POC1A: variants seen among roughly 807,000 people sequenced by gnomAD.
POC1A encodes the protein POC1 centriolar protein A, also known as POC1 centriolar protein homolog A.
Under a neutral mutation model 47.8 loss-of-function variants are expected in POC1A, and 34 were observed. The observed-to-expected ratio is 0.71, with a 90% confidence interval of 0.54 to 0.95. POC1A has a LOEUF of 0.95. Ranked by LOEUF, POC1A falls within the 40% of genes least tolerant of loss-of-function variation. The pLI is 0.00. For missense variants in POC1A, 466 were observed against 528.3 expected (o/e 0.88, Z 1.16); for synonymous variants, 177 against 207.6 (o/e 0.85, Z 1.27).
rs1357759878 is a variant in POC1A at position 52,084,291 on chromosome 3, C to T, written c.1126-8306G>A. On this transcript the variant is annotated intron_variant, in intron 10 of 10. Coordinates refer to ENST00000296484, the MANE Select transcript of POC1A (RefSeq NM_015426.5). The surrounding 1 kb of genome is among the most constrained non-coding windows in gnomAD (Gnocchi z 4.3). ...CCTCCTCCCATGACCATTGTTGTCA[C>T]CACCTTTGCTGAAGGCTTCCCTCAT... Among the ~76,000 whole-genome samples the T allele has an allele frequency of 1.3e-5, 2 of 152,236 alleles. No homozygotes were observed. Among genetic ancestry groups the T allele is most frequent in the African/African-American group, 2.4e-5 (1 of 41,446 alleles).
rs1702618904 is a variant in POC1A, at chr3:52,090,789, C to T, written c.1125+5780G>A. ...CACCTACTGAGCGCCCATCCCTGGGCAGGCAGGCCTAGCAGCCTCGGGGTC... is the reference window on the plus strand; with the variant it reads ...CACCTACTGAGCGCCCATCCCTGGGTAGGCAGGCCTAGCAGCCTCGGGGTC... On this transcript the variant is annotated intron_variant, in intron 10 of 10. Coordinates refer to ENST00000296484, the MANE Select transcript of POC1A (RefSeq NM_015426.5). This position sits in a 1 kb window ranked among gnomAD's most constrained non-coding sequence, Gnocchi z 4.2. 1.3e-5 allele frequency among the ~76,000 whole-genome samples: 2 copies of T among 152,176 alleles called. No individual in the cohort carries two copies. Among genetic ancestry groups the T allele is most frequent in the African/African-American group, 4.8e-5 (2 of 41,432 alleles).
intron 7 of POC1A, among the ~76,000 whole-genome samples, chr3:52,135,935 C>G (rs1186853576): frequency 6.6e-6 from 1 of 152,122 alleles, no homozygotes; most frequent in African/African-American, 2.4e-5. Flanking sequence ...TTGCCACCAC[C>G]AGTTGGAGTG....
At chr3:52,138,920 G>A (rs974164415) in intron 6 of POC1A, among the ~76,000 whole-genome samples, 1 of 152,126 alleles carries the variant, frequency 6.6e-6, no homozygotes. Context: ...TGCAGCCTCC[G>A]TCTCCTGGGT....
chr3:52,151,164 C>T, intron 1 of POC1A, 64 bp from the exon 2 acceptor site: 1 of 1,607,446 alleles, frequency 6.2e-7, no homozygotes, highest in Non-Finnish European at 8.5e-7. Flanking sequence ...CCAGGGCCAG[C>T]ACTCTTCCTA....
At chr3:52,153,856 C>G (rs1167611447) in intron 1 of POC1A, among the ~76,000 whole-genome samples, 3 of 152,252 alleles carry the variant, frequency 2.0e-5, no homozygotes, top group African/African-American at 4.8e-5. Context: ...AGGGCCTTGC[C>G]CGTTCAAAGG....
intron 9 of POC1A, among the ~76,000 whole-genome samples, chr3:52,112,248 G>A (rs1440404169): frequency 6.6e-6 from 1 of 152,114 alleles, no homozygotes; most frequent in African/African-American, 2.4e-5. Flanking sequence ...TGAACTCCTG[G>A]GCTCATGCAA....
chr3:52,099,712 A>C, intron 9 of POC1A, among the ~76,000 whole-genome samples: 1 of 152,148 alleles, frequency 6.6e-6, no homozygotes. Context: ...TCAGCCAGGC[A>C]TGGTGGTAGG....
chr3:52,112,503 G>A (rs1703419759), intron 9 of POC1A, among the ~76,000 whole-genome samples: 1 of 152,168 alleles, frequency 6.6e-6, no homozygotes, highest in African/African-American at 2.4e-5. Flanking sequence ...TTAGCCAGGT[G>A]TGGTGGTGCA....
At chr3:52,151,610 CAA>C (rs575884047) in intron 1 of POC1A, among the ~76,000 whole-genome samples, 12 of 55,830 alleles carry the variant, frequency 2.1e-4, no homozygotes, top group Non-Finnish European at 3.2e-4. Flanking sequence ...GACTCCGTCT[CAA>C]AAAAAAAAAA....
At chr3:52,149,775 G>A (rs1559854833) in intron 3 of POC1A, 41 bp downstream of exon 3, 2 of 1,582,292 alleles carry the variant, frequency 1.3e-6, no homozygotes, top group Admixed American at 1.7e-5. Flanking sequence ...TGGCACCAGG[G>A]CCCCAGACTC....
intron 1 of POC1A, among the ~76,000 whole-genome samples, chr3:52,151,481 G>A (rs1345661363): frequency 6.6e-6 from 1 of 152,030 alleles, no homozygotes; most frequent in African/African-American, 2.4e-5. Flanking sequence ...CATGGTGGCA[G>A]GCGCCTATAA....
intron 7 of POC1A, among the ~76,000 whole-genome samples, chr3:52,126,165 T>C (rs1703991154): frequency 6.6e-6 from 1 of 152,168 alleles, no homozygotes; most frequent in South Asian, 2.1e-4. Flanking sequence ...CCCAGACCAG[T>C]GCAGGGAGCG....
chr3:52,095,822 C>T (rs1232529892), intron 10 of POC1A, among the ~76,000 whole-genome samples: 1 of 152,230 alleles, frequency 6.6e-6, no homozygotes, highest in African/African-American at 2.4e-5. Flanking sequence ...GGTGAAATGG[C>T]CCTGCCAAGC....
chr3:52,081,839 A>G (rs1407623869), intron 10 of POC1A, among the ~76,000 whole-genome samples: 1 of 152,134 alleles, frequency 6.6e-6, no homozygotes, highest in East Asian at 1.9e-4. Flanking sequence ...AGGGGATGAC[A>G]GTGGCTTGGA....
chr3:52,125,019 A>C (rs963069818), intron 8 of POC1A, 94 bp downstream of exon 8: 2 of 996,562 alleles, frequency 2.0e-6, no homozygotes, highest in African/African-American at 3.3e-5. Flanking sequence ...AGCTGGCGAA[A>C]CCCAGCCCAT....
At chr3:52,122,146 G>C (rs1057168916) in intron 9 of POC1A, among the ~76,000 whole-genome samples, 1 of 152,186 alleles carries the variant, frequency 6.6e-6, no homozygotes, top group South Asian at 2.1e-4. Flanking sequence ...CACAGGCCTG[G>C]GGCACCCGGC....
At chr3:52,152,622 G>C (rs1232944357) in intron 1 of POC1A, among the ~76,000 whole-genome samples, 2 of 151,820 alleles carry the variant, frequency 1.3e-5, no homozygotes, top group Non-Finnish European at 2.9e-5. Flanking sequence ...AAATAAAGTA[G>C]TTAAACGTGG....
At chr3:52,076,325 A>C (rs1474786168) in intron 10 of POC1A, among the ~76,000 whole-genome samples, 1 of 152,188 alleles carries the variant, frequency 6.6e-6, no homozygotes, top group Admixed American at 6.5e-5. Context: ...CCTGGCATTT[A>C]TATTGGAGTT....
Position 52,096,615 on chromosome 3 carries a change from G to A in POC1A, c.1079C>T (p.Thr360Ile). ...GCCCACAATGTGCTCCAGCGTGCTA[G>A]TCAGTGTCTGGGGCACACTCACGGG... is the stretch of plus-strand genomic sequence containing the variant. ...QEPVSVPQTL[T>I]STLEHIVGQL... Residue 360 changes from threonine to isoleucine, a missense_variant, in exon 10 of 11, where the codon ACT (threonine) becomes ATT (isoleucine). Physicochemically the swap from Thr to Ile is moderately conservative, Grantham distance 89. Transcript: ENST00000296484. 1 of 1,611,910 alleles carries A rather than the reference G, an allele frequency of 6.2e-7. No individual in the cohort carries two copies.
Sources: gnomAD v4.1 joint callset for allele counts (sites outside exome capture counted in the v4.1 genomes callset) on GRCh38, gnomAD v4.1.1 for gene constraint, Gnocchi (gnomAD v3.1) non-coding constraint, MANE v1.5 for transcripts, NCBI Gene and HGNC (gene_info 2026-07-23, HGNC 2026-07-21) for gene names.